Variants in STN1 observed in about 807,000 individuals in gnomAD.
The protein encoded by STN1 is STN1 subunit of CST complex.
STN1 carries 29 observed loss-of-function variants against 45.5 expected under a neutral mutation model. The observed-to-expected ratio is 0.64, with a 90% CI of 0.47 to 0.87. The LOEUF is 0.87. STN1 is among the 40% of genes least tolerant of loss of function. The pLI, the probability that STN1 is intolerant of heterozygous loss-of-function variation, is 0.00. For synonymous variants in STN1, 148 were observed against 159.0 expected (o/e 0.93, Z 0.52); for missense variants, 376 against 441.4 (o/e 0.85, Z 1.33).
chr10:103,890,653 G>A (rs1246684484), intron 8 of STN1, among the ~76,000 whole-genome samples: 2 of 152,182 alleles, frequency 1.3e-5, no homozygotes, highest in East Asian at 3.8e-4. Flanking sequence ...CCCATGCCAG[G>A]ACTCCCATCC....
chr10:103,893,207 C>T (rs11191851), intron 7 of STN1, among the ~76,000 whole-genome samples: 9,704 of 151,804 alleles, frequency 0.064, 352 homozygotes, highest in African/African-American at 0.096. Flanking sequence ...GAGTCTCTGT[C>T]GCCCAGGCTG....
chr10:103,907,452 G>A (rs773502469), intron 3 of STN1, among the ~76,000 whole-genome samples: 9 of 152,156 alleles, frequency 5.9e-5, no homozygotes, highest in Non-Finnish European at 1.0e-4. Flanking sequence ...CTTGGAGTGT[G>A]GGGAAGGAAC....
At chr10:103,887,832 G>A (rs1050441986) in intron 9 of STN1, among the ~76,000 whole-genome samples, 1 of 152,142 alleles carries the variant, frequency 6.6e-6, no homozygotes, top group Non-Finnish European at 1.5e-5. Context: ...TAGCCCTAGG[G>A]TTCAATCCAT....
rs1037819903 is a variant in STN1, at chr10:103,897,594, A to C, written c.707T>G (p.Leu236Arg). The C allele has an allele frequency of 6.2e-7, 1 of 1,614,202 alleles. No homozygotes were observed. The highest frequency in any genetic ancestry group is 1.7e-5 in the Admixed American group (1 of 60,030). ...QQELEMVESL[L>R]SLANQPVIHS... Reference sequence around the variant, plus strand: ...AATCACAGGCTGATTGGCAAGGGACAGCAAAGACTCCACCATTTCCAGCTC... The same window carrying C: ...AATCACAGGCTGATTGGCAAGGGACCGCAAAGACTCCACCATTTCCAGCTC... Residue 236 changes from leucine to arginine, a missense_variant, in exon 7 of 10, where the codon CTG becomes CGG. Coordinates refer to ENST00000224950, the MANE Select transcript of STN1 (RefSeq NM_024928.5).
rs945066459 is a variant in STN1, at chr10:103,880,741, T to C, written c.*1943A>G. Among the ~76,000 whole-genome samples the C allele has an allele frequency of 1.3e-5, 2 of 152,104 alleles. No homozygotes were observed. Among genetic ancestry groups the C allele is most frequent in the South Asian group, 2.1e-4 (1 of 4,824 alleles). On this transcript the variant is annotated 3_prime_UTR_variant, in exon 10 of 10. Transcript: ENST00000224950. ...GAGACACCCCAGTGAGCAAGCCAGA[T>C]AGAAAAGAGGTCTGGGACTGAGTCC...
At chr10:103,905,523 G>C (rs976989059) in intron 3 of STN1, among the ~76,000 whole-genome samples, 2 of 152,200 alleles carry the variant, frequency 1.3e-5, no homozygotes, top group Non-Finnish European at 2.9e-5. Flanking sequence ...TGCTCACATA[G>C]AAAATCAGCC....
At chr10:103,891,631 T>C (rs971267295) in intron 8 of STN1, among the ~76,000 whole-genome samples, 1 of 152,214 alleles carries the variant, frequency 6.6e-6, no homozygotes, top group African/African-American at 2.4e-5. Flanking sequence ...AAAAAGGTTC[T>C]TGCATAAGTC....
At chr10:103,910,189 C>T (rs1340463303) in intron 3 of STN1, among the ~76,000 whole-genome samples, 1 of 152,212 alleles carries the variant, frequency 6.6e-6, no homozygotes, top group African/African-American at 2.4e-5. Context: ...CACATAACCA[C>T]ATATTACCAC....
Position 103,881,277 on chromosome 10 carries a change from G to T in STN1, c.*1407C>A, listed in dbSNP as rs1440345534. 6.6e-6 allele frequency among the ~76,000 whole-genome samples: 1 copy of T among 152,190 alleles called. No individual in the cohort carries two copies. The highest frequency in any genetic ancestry group is 2.4e-5 in the African/African-American group (1 of 41,424). On this transcript the variant is annotated 3_prime_UTR_variant, in exon 10 of 10. Transcript: ENST00000224950. ...AAGAGCAGAGTTGCTATAGGCAAGG[G>T]TATGCCCTTTTTACCTTCTGATTCT...
chr10:103,904,099 A>G (rs772882582), intron 4 of STN1, among the ~76,000 whole-genome samples: 3 of 152,194 alleles, frequency 2.0e-5, no homozygotes, highest in Non-Finnish European at 2.9e-5. Context: ...GACTCTAAGC[A>G]CTAGATATTC....
At chr10:103,897,851 A>G in intron 6 of STN1, 132 bp from the exon 7 acceptor site, 1 of 734,040 alleles carries the variant, frequency 1.4e-6, no homozygotes, top group Non-Finnish European at 2.2e-6. Context: ...ACAGAGTAAT[A>G]TATACAGGGA....
At position 103,882,596 on chromosome 10, in the gene STN1, A is replaced by G. The variant is rs1175507283; in HGVS notation, c.*88T>C. 2.9e-6 allele frequency: 4 copies of G among 1,371,634 alleles called. No individual in the cohort carries two copies. The highest frequency in any genetic ancestry group is 2.9e-5 in the African/African-American group (2 of 69,092). 85.0% of individuals were successfully genotyped at this position (1,371,634 alleles called of 1,614,324 possible). A position where few individuals can be genotyped will look rare whatever the true frequency, so the allele number is the denominator to read the frequency against. ...TTATGAGGTAACTGCCTCCAGACAGATAAGCCCCTGCATGATGCTGAAAGT... is the reference window on the plus strand; with the variant it reads ...TTATGAGGTAACTGCCTCCAGACAGGTAAGCCCCTGCATGATGCTGAAAGT... On this transcript the variant is annotated 3_prime_UTR_variant, in exon 10 of 10. Coordinates refer to ENST00000224950, the MANE Select transcript of STN1 (RefSeq NM_024928.5).
chr10:103,909,163 C>A (rs1843263814), intron 3 of STN1, among the ~76,000 whole-genome samples: 1 of 151,130 alleles, frequency 6.6e-6, no homozygotes, highest in South Asian at 2.1e-4. Context: ...GCTATTATTT[C>A]GTTGTTGGCA....
chr10:103,917,967 G>C (rs755320786), intron 1 of STN1, 133 bp downstream of exon 1: 39 of 190,312 alleles, frequency 2.0e-4, no homozygotes, highest in Non-Finnish European at 8.9e-5. Context: ...GTCCCGGGAG[G>C]AACGGGCGCC....
At chr10:103,910,662 T>G (rs759095401) in intron 2 of STN1, 40 bp from the exon 3 acceptor site, 3 of 1,117,022 alleles carry the variant, frequency 2.7e-6, no homozygotes, top group Admixed American at 3.5e-5. Flanking sequence ...AATGTATGAT[T>G]ACATTTTCTG....
intron 6 of STN1, 23 bp downstream of exon 6, chr10:103,898,854 A>G: frequency 6.2e-7 from 1 of 1,613,188 alleles, no homozygotes; most frequent in Non-Finnish European, 8.5e-7. Context: ...TCACGTGCTC[A>G]GCAGTGATAA....
intron 3 of STN1, among the ~76,000 whole-genome samples, chr10:103,909,484 A>ATATT (rs1843272600): frequency 1.4e-5 from 1 of 70,672 alleles, no homozygotes; most frequent in Non-Finnish European, 3.1e-5. Flanking sequence ...ATATGTATAT[A>ATATT]TATGTGTGTG....
intron 2 of STN1, among the ~76,000 whole-genome samples, chr10:103,914,355 TATATATATATATATA>T (rs1481180387): frequency 0.034 from 1,128 of 33,154 alleles, 135 homozygotes; most frequent in South Asian, 0.17. Flanking sequence ...TATATATATA[TATATATATATATATA>T]TATATTTTTT....
intron 6 of STN1, 38 bp downstream of exon 6, chr10:103,898,839 C>G (rs183639375): frequency 1.9e-6 from 3 of 1,610,486 alleles, no homozygotes; most frequent in South Asian, 1.1e-5. Context: ...AGTTTTCTGC[C>G]GTGGTCACGT....
Sources: gnomAD v4.1 joint callset for allele counts (sites outside exome capture counted in the v4.1 genomes callset) on GRCh38, gnomAD v4.1.1 for gene constraint, MANE v1.5 for transcripts, NCBI Gene and HGNC (gene_info 2026-07-23, HGNC 2026-07-21) for gene names.